Variants in MME observed in about 807,000 individuals in gnomAD.
MME encodes the protein neprilysin.
In MME, 98 loss-of-function variants were observed where a neutral mutation model predicts 113.2. That is an observed-to-expected ratio of 0.87 (90% CI 0.74 to 1.02). MME has a LOEUF of 1.02. Ranked by LOEUF, MME falls within the 50% of genes least tolerant of loss-of-function variation. The pLI is 0.00. For missense variants in MME, 836 were observed against 896.0 expected (o/e 0.93, Z 0.86); for synonymous variants, 292 against 300.6 (o/e 0.97, Z 0.30).
At chr3:155,095,769 CGTCAGGAAAATGAAAACCTG>C (rs1298090059) in intron 3 of MME, among the ~76,000 whole-genome samples, 2 of 152,048 alleles carry the variant, frequency 1.3e-5, no homozygotes, top group Non-Finnish European at 1.5e-5. Flanking sequence ...TACCCCCTGC[CGTCAGGAAAATGAAAACCTG>C]GTCAGTGTGA....
At chr3:155,084,020 T>C (rs767186383) in intron 1 of MME, 138 bp from the exon 2 acceptor site, 1 of 793,744 alleles carries the variant, frequency 1.3e-6, no homozygotes, top group Non-Finnish European at 2.0e-6. Context: ...GCAACAAAAT[T>C]TTGACTTCTC....
chr3:155,147,302 T>A, intron 15 of MME, 78 bp downstream of exon 15: 1 of 856,722 alleles, frequency 1.2e-6, no homozygotes, highest in Non-Finnish European at 2.0e-6. Flanking sequence ...ATGGGGTGCC[T>A]GAAATTATAT....
chr3:155,115,230 C>T, intron 4 of MME, 75 bp downstream of exon 4: 1 of 1,539,562 alleles, frequency 6.5e-7, no homozygotes. Flanking sequence ...CAATTGTTAG[C>T]CATTACAAGG....
chr3:155,055,422 A>AC (rs1713891566), intron 1 of MME, among the ~76,000 whole-genome samples: 1 of 152,168 alleles, frequency 6.6e-6, no homozygotes, highest in African/African-American at 2.4e-5. Context: ...ACATGGTGAA[A>AC]CCCCGTCTCT....
At chr3:155,079,745 T>C (rs1714947758), upstream of MME, 1 of 151,170 alleles carries the variant, frequency 6.6e-6, no homozygotes, top group Non-Finnish European at 1.5e-5. Flanking sequence ...CGGGATCTGC[T>C]GAGGGGTCAC....
At chr3:155,100,779 G>A (rs1237168238) in intron 3 of MME, among the ~76,000 whole-genome samples, 1 of 152,164 alleles carries the variant, frequency 6.6e-6, no homozygotes, top group African/African-American at 2.4e-5. Context: ...AGCTACTCAG[G>A]AGGCTGAGGC....
chr3:155,092,148 T>C (rs1057112825), intron 3 of MME, among the ~76,000 whole-genome samples: 3 of 152,170 alleles, frequency 2.0e-5, no homozygotes, highest in African/African-American at 7.2e-5. Context: ...GGTGGTAGAG[T>C]GTGGATCTTC....
chr3:155,034,087 A>G (rs1713056209), intron 1 of MME, among the ~76,000 whole-genome samples: 1 of 152,216 alleles, frequency 6.6e-6, no homozygotes, highest in African/African-American at 2.4e-5. Context: ...CTCCAAAGTC[A>G]TTTCTAAGAA....
At chr3:155,115,785 C>T (rs1244808783) in intron 4 of MME, among the ~76,000 whole-genome samples, 1 of 152,074 alleles carries the variant, frequency 6.6e-6, no homozygotes, top group Admixed American at 6.5e-5. Context: ...GGCACAGAAA[C>T]CTACTTCTGT....
upstream of MME, among the ~76,000 whole-genome samples, chr3:155,075,548 T>G (rs112220159): frequency 7.2e-3 from 1,090 of 152,344 alleles, 14 homozygotes; most frequent in African/African-American, 0.024. Flanking sequence ...TTTTTCTTTC[T>G]GCAAAACTTG....
chr3:155,101,257 A>C (rs1717189876), intron 3 of MME, among the ~76,000 whole-genome samples: 1 of 152,198 alleles, frequency 6.6e-6, no homozygotes, highest in South Asian at 2.1e-4. Context: ...TAAATTACTC[A>C]GTCTCAGGCA....
intron 1 of MME, 79 bp from the exon 2 acceptor site, chr3:155,084,079 T>C: frequency 7.9e-7 from 1 of 1,269,956 alleles, no homozygotes; most frequent in East Asian, 2.4e-5. Flanking sequence ...CTTTTACTTT[T>C]ATCCAGCCAC....
chr3:155,055,922 AT>A (rs1284643424), intron 1 of MME, among the ~76,000 whole-genome samples: 1 of 152,084 alleles, frequency 6.6e-6, no homozygotes, highest in Non-Finnish European at 1.5e-5. Context: ...AGTGCCTTTA[AT>A]TTACTCCTTC....
Position 155,174,325 on chromosome 3 carries a change from CGTGTGTGTGTGTGTGTGTGTGT to C in MME, c.2153+1747_2153+1768del, listed in dbSNP as rs3839085. ...TATTTTTCATTCATAACAACAGAAG[CGTGTGTGTGTGTGTGTGTGTGT>C]GTGTGTGTGTGTGTGTGTGTGTGTG... On this transcript the variant is annotated intron_variant, in intron 22 of 22. Transcript: ENST00000360490. Among the ~76,000 whole-genome samples, 110 of 110,324 alleles carry C rather than the reference CGTGTGTGTGTGTGTGTGTGTGT, an allele frequency of 1.0e-3. 2 individuals are homozygous for C. In the South Asian group the frequency reaches 0.027, roughly 27 times the overall value. The allele number at this position is 110,324 out of a possible 152,430, so 72.4% of individuals were successfully genotyped here.
chr3:155,148,252 G>A (rs1721672706), intron 15 of MME, among the ~76,000 whole-genome samples: 1 of 152,092 alleles, frequency 6.6e-6, no homozygotes, highest in African/African-American at 2.4e-5. Context: ...AGAAGAATGT[G>A]CTATTATCCA....
At chr3:155,177,952 C>T (rs1244105206) in intron 22 of MME, among the ~76,000 whole-genome samples, 1 of 152,126 alleles carries the variant, frequency 6.6e-6, no homozygotes, top group Admixed American at 6.6e-5. Context: ...GGTTCCATTT[C>T]CTTCCAATGC....
intron 8 of MME, 119 bp downstream of exon 8, chr3:155,118,930 G>A (rs1282795690): frequency 1.4e-6 from 1 of 713,712 alleles, no homozygotes; most frequent in Non-Finnish European, 2.5e-6. Flanking sequence ...ATTCATGACA[G>A]GGACTTAAAA....
At chr3:155,174,565 C>T (rs989537686) in intron 22 of MME, among the ~76,000 whole-genome samples, 6 of 151,804 alleles carry the variant, frequency 4.0e-5, no homozygotes, top group African/African-American at 9.7e-5. Flanking sequence ...TAATAGATAT[C>T]GAGTTGCTAT....
At chr3:155,161,193 C>A (rs1407290884) in intron 17 of MME, among the ~76,000 whole-genome samples, 1 of 152,022 alleles carries the variant, frequency 6.6e-6, no homozygotes, top group East Asian at 1.9e-4. Context: ...TCACTTATCA[C>A]ATACATTGGC....
Sources: allele counts gnomAD v4.1 joint callset (sites outside exome capture counted in the v4.1 genomes callset), GRCh38; gene constraint gnomAD v4.1.1; transcripts MANE v1.5; gene names NCBI Gene and HGNC (gene_info 2026-07-23, HGNC 2026-07-21).